The following TRAP1 variants were observed in gnomAD, a reference collection of about 807,000 sequenced individuals.
TRAP1 encodes TNF receptor associated protein 1.
TRAP1 carries 102 observed loss-of-function variants against 89.1 expected under a neutral mutation model. The observed-to-expected ratio is 1.15, with a 90% confidence interval of 0.98 to 1.35. TRAP1 has a LOEUF of 1.35. Ranked by LOEUF, TRAP1 falls within the 40% of genes most tolerant of loss-of-function variation. The probability of loss-of-function intolerance (pLI) is 0.00; values close to 1 mark genes in which losing one functional copy is unlikely to be tolerated. For synonymous variants in TRAP1, 508 were observed against 388.0 expected (o/e 1.31, Z -3.64); for missense variants, 1,256 against 945.3 (o/e 1.33, Z -4.31).
At chr16:3,707,718 G>T (rs572361435) in intron 1 of TRAP1, among the ~76,000 whole-genome samples, 1 of 151,506 alleles carries the variant, frequency 6.6e-6, no homozygotes, top group Non-Finnish European at 1.5e-5. Flanking sequence ...GCTGGGAGTC[G>T]CAGCGGGCAT....
At chr16:3,667,957 C>T (rs1340943678) in intron 11 of TRAP1, among the ~76,000 whole-genome samples, 3 of 111,268 alleles carry the variant, frequency 2.7e-5, no homozygotes, top group Non-Finnish European at 5.2e-5. Flanking sequence ...TGAGATGAGT[C>T]TCGCTCTGTC....
At chr16:3,690,599 C>T (rs550705204) in intron 2 of TRAP1, among the ~76,000 whole-genome samples, 5 of 152,278 alleles carry the variant, frequency 3.3e-5, no homozygotes, top group Non-Finnish European at 5.9e-5. Context: ...AGGTGCCGGA[C>T]GGCAAACTCA....
chr16:3,705,585 T>C (rs1036343402), intron 1 of TRAP1, among the ~76,000 whole-genome samples: 1 of 152,222 alleles, frequency 6.6e-6, no homozygotes, highest in Non-Finnish European at 1.5e-5. Context: ...CATCCACATA[T>C]AGCATGTATC....
rs147246005 is a variant in TRAP1 at position 3,690,948 on chromosome 16, C to T, written c.126G>A (p.Gln42=). 2 of 1,580,578 alleles carry T rather than the reference C, an allele frequency of 1.3e-6. No homozygotes were observed. The highest frequency in any genetic ancestry group is 1.7e-6 in the Non-Finnish European group (2 of 1,164,800). Residue 42 remains glutamine (Q), a synonymous_variant, in exon 2 of 18, where the codon CAG becomes CAA. Coordinates refer to ENST00000246957, the MANE Select transcript of TRAP1 (RefSeq NM_016292.3). ...AGGCTGGGTTTCGCCTGGGGCCCAA[C>T]TGGGCTGTGGTCCTCCGAGGACACA... ...PILCPRRTTA[Q]LGPRRNPAWS... is the part of the protein sequence containing the mutation.
chr16:3,686,261 A>G (rs969125056), intron 3 of TRAP1, 125 bp from the exon 4 acceptor site: 58 of 1,190,922 alleles, frequency 4.9e-5, no homozygotes, highest in South Asian at 4.2e-4. Flanking sequence ...CAAAGCATAA[A>G]GAGTTTCTGC....
Position 3,658,798 on chromosome 16 carries a change from C to T in TRAP1, c.2008G>A (p.Asp670Asn), listed in dbSNP as rs551502208. ...TCCTAAGCTGCTGCACTCACCTGAT[C>T]CACCAGCAGCTGAGCCAGGCCAGGC... ...SEPGLAQLLV[D>N]QIYENAMIAA... Residue 670 changes from aspartate to asparagine, a missense_variant, in exon 17 of 18, where the codon GAT (aspartate) becomes AAT (asparagine). Physicochemically the swap from Asp to Asn is conservative, Grantham distance 23 (BLOSUM62 1). Transcript: ENST00000246957. 11 of 1,613,676 alleles carry T rather than the reference C, an allele frequency of 6.8e-6. No individual in the cohort carries two copies. The highest frequency in any genetic ancestry group is 9.3e-6 in the Non-Finnish European group (11 of 1,179,922).
intron 5 of TRAP1, 57 bp downstream of exon 5, chr16:3,679,662 G>C: frequency 6.3e-7 from 1 of 1,585,070 alleles, no homozygotes; most frequent in Non-Finnish European, 8.7e-7. Flanking sequence ...ACCCCTACTG[G>C]AGGGATCCTT....
Position 3,683,800 on chromosome 16 carries a change from A to C in TRAP1, c.471+2196T>G, listed in dbSNP as rs958734658. On this transcript the variant is annotated intron_variant, in intron 4 of 17. Coordinates refer to ENST00000246957, the MANE Select transcript of TRAP1 (RefSeq NM_016292.3). Reference sequence around the variant, plus strand: ...TCTAAAATATTTACTAAAAAAAAAAAAAAACTATAGATTTTTCAGATGTAG... The same window carrying C: ...TCTAAAATATTTACTAAAAAAAAAACAAAACTATAGATTTTTCAGATGTAG... Among the ~76,000 whole-genome samples the C allele has an allele frequency of 7.9e-5, 12 of 152,170 alleles. 1 individual carries two copies. Among genetic ancestry groups the C allele is most frequent in the Admixed American group, 2.0e-4 (3 of 15,286 alleles).
At chr16:3,662,715 C>G (rs1424384907) in intron 15 of TRAP1, 167 bp downstream of exon 15, 3 of 716,378 alleles carry the variant, frequency 4.2e-6, no homozygotes, top group Non-Finnish European at 7.5e-6. Flanking sequence ...AGCGGCACTC[C>G]CGAGCAACAC....
chr16:3,677,901 A>G, intron 5 of TRAP1: 1 of 482,976 alleles, frequency 2.1e-6, no homozygotes. Flanking sequence ...CAAAGCTCAC[A>G]GTCCTGCCTG....
Position 3,662,984 on chromosome 16 carries a change from G to A in TRAP1, c.1709-17C>T, listed in dbSNP as rs374110656. ...ACTCGGCGGCTGCGGAAGAGCAGGC[G>A]ACAGGGAGCTCAGGCCTGCATCCCA... On this transcript the variant is annotated splice_polypyrimidine_tract_variant and intron_variant, in intron 14 of 17. Coordinates refer to ENST00000246957, the MANE Select transcript of TRAP1 (RefSeq NM_016292.3). 75 of 1,585,272 alleles carry A rather than the reference G, an allele frequency of 4.7e-5. No individual in the cohort carries two copies. The highest frequency in any genetic ancestry group is 3.1e-4 in the African/African-American group (23 of 74,344).
intron 1 of TRAP1, among the ~76,000 whole-genome samples, chr16:3,711,325 G>A (rs2051528488): frequency 6.6e-6 from 1 of 152,188 alleles, no homozygotes. Flanking sequence ...GCAGGGCTGG[G>A]AACGGTGGCG....
At chr16:3,658,530 A>G (rs2042858857) in intron 17 of TRAP1, 1 of 567,490 alleles carries the variant, frequency 1.8e-6, no homozygotes, top group African/African-American at 1.9e-5. Context: ...TAAAATACAA[A>G]ATTAGCCAGG....
At chr16:3,677,793 A>C in intron 5 of TRAP1, 135 bp from the exon 6 acceptor site, 1 of 1,012,648 alleles carries the variant, frequency 9.9e-7, no homozygotes, top group Non-Finnish European at 1.4e-6. Flanking sequence ...TTTCCACCCC[A>C]TTCTACACGT....
At chr16:3,714,731 A>G (rs1024245995) in intron 1 of TRAP1, among the ~76,000 whole-genome samples, 2 of 152,162 alleles carry the variant, frequency 1.3e-5, no homozygotes, top group Non-Finnish European at 2.9e-5. Context: ...GAGGTCTGAA[A>G]GGGTAAGAGG....
chr16:3,692,141 A>C (rs2051223001), intron 1 of TRAP1, among the ~76,000 whole-genome samples: 1 of 152,222 alleles, frequency 6.6e-6, no homozygotes. Flanking sequence ...GTCTAAGCCT[A>C]AATGAACCGC....
At chr16:3,674,634 C>G (rs916404798) in intron 8 of TRAP1, 140 bp from the exon 9 acceptor site, 5 of 1,011,616 alleles carry the variant, frequency 4.9e-6, no homozygotes, top group Non-Finnish European at 5.7e-6. Flanking sequence ...GCGTAGACCC[C>G]TCTCCAGCCC....
At chr16:3,672,646 C>A in intron 10 of TRAP1, 54 bp downstream of exon 10, 1 of 1,558,708 alleles carries the variant, frequency 6.4e-7, no homozygotes, top group Non-Finnish European at 8.7e-7. Flanking sequence ...CTCACAGATG[C>A]AGCGGGCGAC....
intron 1 of TRAP1, among the ~76,000 whole-genome samples, chr16:3,705,695 T>C (rs1298198351): frequency 6.6e-6 from 1 of 152,158 alleles, no homozygotes; most frequent in Non-Finnish European, 1.5e-5. Context: ...CCAAATTTTT[T>C]GTGAGACAGA....
Sources: allele counts gnomAD v4.1 joint callset (sites outside exome capture counted in the v4.1 genomes callset), GRCh38; gene constraint gnomAD v4.1.1; transcripts MANE v1.5; gene names NCBI Gene and HGNC (gene_info 2026-07-23, HGNC 2026-07-21).